Variants in LRRC4C observed in about 807,000 individuals in gnomAD.
LRRC4C encodes the protein leucine rich repeat containing 4C.
LRRC4C carries 5 observed loss-of-function variants against 33.6 expected under a neutral mutation model. That is an observed-to-expected ratio of 0.15 (90% confidence interval 0.08 to 0.31). The LOEUF (loss-of-function observed/expected upper bound fraction) is 0.31. Ranked by LOEUF, LRRC4C falls within the 10% of genes least tolerant of loss-of-function variation. The probability of loss-of-function intolerance (pLI) is 1.00; values close to 1 mark genes in which losing one functional copy is unlikely to be tolerated. For synonymous variants in LRRC4C, 329 were observed against 302.0 expected, an observed-to-expected ratio of 1.09 and a Z score of -0.93; for missense variants, 560 against 796.7, an observed-to-expected ratio of 0.70 and a Z score of 3.58.
intron 1 of LRRC4C, among the ~76,000 whole-genome samples, chr11:41,439,074 A>G (rs1380966199): frequency 6.6e-6 from 1 of 152,068 alleles, no homozygotes; most frequent in African/African-American, 2.4e-5. Flanking sequence ...TCCCTTTTGG[A>G]GTCTCCAATG....
At chr11:40,371,416 T>C (rs913966377) in intron 3 of LRRC4C, among the ~76,000 whole-genome samples, 1 of 152,214 alleles carries the variant, frequency 6.6e-6, no homozygotes, top group Non-Finnish European at 1.5e-5. Flanking sequence ...CCCATAGGCA[T>C]GGACTTTGCA....
chr11:41,302,708 C>A (rs1950319770), intron 1 of LRRC4C, among the ~76,000 whole-genome samples: 1 of 152,084 alleles, frequency 6.6e-6, no homozygotes, highest in South Asian at 2.1e-4. Context: ...GCTTAAAAGT[C>A]TTCAACAGTT....
chr11:40,656,863 G>T (rs1438332109), intron 2 of LRRC4C, among the ~76,000 whole-genome samples: 1 of 152,184 alleles, frequency 6.6e-6, no homozygotes, highest in Non-Finnish European at 1.5e-5. Context: ...ATCTCCTAAA[G>T]TGGTTGGTAA....
At chr11:41,418,511 A>G (rs574109102) in intron 1 of LRRC4C, among the ~76,000 whole-genome samples, 59 of 152,166 alleles carry the variant, frequency 3.9e-4, no homozygotes, top group African/African-American at 1.3e-3. Context: ...TATTAAACAG[A>G]AAGCAAAACC....
At chr11:40,309,516 T>TTA (rs1945198900) in intron 4 of LRRC4C, among the ~76,000 whole-genome samples, 2 of 21,750 alleles carry the variant, frequency 9.2e-5, no homozygotes, top group Admixed American at 3.1e-4. Context: ...CAGAAGTGTA[T>TTA]TTTTTTTTTT....
intron 5 of LRRC4C, among the ~76,000 whole-genome samples, chr11:40,223,858 G>A (rs1346461816): frequency 3.3e-5 from 5 of 152,122 alleles, no homozygotes; most frequent in African/African-American, 7.2e-5. Context: ...TGACTTGCAT[G>A]TTTCCCATCT....
chr11:41,178,522 T>C (rs1435522951), intron 1 of LRRC4C, among the ~76,000 whole-genome samples: 3 of 151,726 alleles, frequency 2.0e-5, no homozygotes, highest in Non-Finnish European at 4.4e-5. Flanking sequence ...TCTGGCAAAT[T>C]TTTGTACTTT....
intron 4 of LRRC4C, chr11:40,292,420 A>G (rs1944254821): frequency 6.6e-6 from 1 of 152,112 alleles, no homozygotes; most frequent in Non-Finnish European, 1.5e-5. Flanking sequence ...GCCGCGGTCA[A>G]CTTTTCTTCT....
intron 5 of LRRC4C, among the ~76,000 whole-genome samples, chr11:40,227,173 G>A (rs80234228): frequency 0.024 from 3,637 of 152,330 alleles, 64 homozygotes; most frequent in Middle Eastern, 0.051. Context: ...AACTAGAATG[G>A]AGAGGTGTGT....
At chr11:41,095,433 A>G (rs2135572674) in intron 1 of LRRC4C, among the ~76,000 whole-genome samples, 1 of 152,298 alleles carries the variant, frequency 6.6e-6, no homozygotes, top group East Asian at 1.9e-4. Context: ...GTGTCTTATA[A>G]AGGATAATTT....
rs376913025 is a variant in LRRC4C at position 40,164,506 on chromosome 11, G to A, written c.-95-23653C>T. Among the ~76,000 whole-genome samples the A allele has an allele frequency of 4.9e-4, 75 of 152,200 alleles. 1 individual carries two copies. The East Asian group carries it at 0.011, about 23-fold the overall frequency. ...CCCACCTCAGCCTCCCAATGTGCAG[G>A]GATTACAGGTGTGAGCCACCGTGCC... On this transcript the variant is annotated intron_variant, in intron 5 of 6. Coordinates refer to ENST00000528697, the MANE Select transcript of LRRC4C (RefSeq NM_001258419.2).
chr11:40,133,126 T>G (rs1856755746), intron 6 of LRRC4C, among the ~76,000 whole-genome samples: 1 of 152,152 alleles, frequency 6.6e-6, no homozygotes. Flanking sequence ...TCCTTTGGAT[T>G]GATGACTGGC....
chr11:40,829,637 G>A (rs571434774), intron 2 of LRRC4C, among the ~76,000 whole-genome samples: 8 of 151,992 alleles, frequency 5.3e-5, no homozygotes, highest in Admixed American at 2.6e-4. Flanking sequence ...GAACAATATC[G>A]TCCAAATCGA....
intron 1 of LRRC4C, among the ~76,000 whole-genome samples, chr11:41,357,422 T>C (rs1952201319): frequency 6.6e-6 from 1 of 152,150 alleles, no homozygotes; most frequent in African/African-American, 2.4e-5. Flanking sequence ...TAGTATAAGA[T>C]ATTTTATTTG....
chr11:41,257,114 G>C (rs565426747), intron 1 of LRRC4C, among the ~76,000 whole-genome samples: 1 of 151,862 alleles, frequency 6.6e-6, no homozygotes, highest in Non-Finnish European at 1.5e-5. Context: ...TCTTGTGTTG[G>C]CGTTGTGGTA....
At chr11:41,228,111 GTCTGTCTA>G (rs1947623833) in intron 1 of LRRC4C, among the ~76,000 whole-genome samples, 1 of 144,550 alleles carries the variant, frequency 6.9e-6, no homozygotes, top group East Asian at 2.5e-4. Context: ...ATATCAGTCT[GTCTGTCTA>G]TCTATCACCT....
chr11:40,273,967 G>A (rs1357764143), intron 4 of LRRC4C, among the ~76,000 whole-genome samples: 1 of 152,080 alleles, frequency 6.6e-6, no homozygotes, highest in East Asian at 1.9e-4. Flanking sequence ...GAGGTAGGGG[G>A]CAGGTGGGCA....
intron 1 of LRRC4C, among the ~76,000 whole-genome samples, chr11:41,333,805 T>C (rs1951368570): frequency 6.6e-6 from 1 of 152,204 alleles, no homozygotes; most frequent in Non-Finnish European, 1.5e-5. Flanking sequence ...TTTTCTTTGG[T>C]TGGTAGCATG....
chr11:41,367,491 T>A (rs1952587624), intron 1 of LRRC4C, among the ~76,000 whole-genome samples: 1 of 152,186 alleles, frequency 6.6e-6, no homozygotes, highest in Non-Finnish European at 1.5e-5. Context: ...GTGAAAGGAC[T>A]ATGAGTTTTG....
Sources: gnomAD v4.1 joint callset for allele counts (sites outside exome capture counted in the v4.1 genomes callset) on GRCh38, gnomAD v4.1.1 for gene constraint, MANE v1.5 for transcripts, NCBI Gene and HGNC (gene_info 2026-07-23, HGNC 2026-07-21) for gene names.